TP63: variants seen among roughly 807,000 people sequenced by gnomAD.
The protein encoded by TP63 is tumor protein 63.
TP63 carries 17 observed loss-of-function variants against 82.8 expected under a neutral mutation model. That is an observed-to-expected ratio of 0.21 (90% CI 0.14 to 0.31). The LOEUF (loss-of-function observed/expected upper bound fraction) is 0.31, where lower values mean the gene tolerates loss of function less well. Among genes scored for constraint, TP63 ranks in the 10% least tolerant of loss-of-function variants. The probability of loss-of-function intolerance (pLI) is 1.00; values close to 1 mark genes in which losing one functional copy is unlikely to be tolerated. For missense variants in TP63, 648 were observed against 895.3 expected (o/e 0.72, Z 3.52); for synonymous variants, 330 against 321.7 (o/e 1.03, Z -0.28).
At chr3:189,736,542 A>T (rs963965627) in intron 1 of TP63, among the ~76,000 whole-genome samples, 5 of 152,102 alleles carry the variant, frequency 3.3e-5, no homozygotes, top group Non-Finnish European at 7.4e-5. Flanking sequence ...TACTGCTAAC[A>T]CATTTACTGT....
At chr3:189,654,562 T>G (rs1920252) in intron 1 of TP63, among the ~76,000 whole-genome samples, 66,882 of 152,056 alleles carry the variant, frequency 0.44, 16,101 homozygotes, top group Middle Eastern at 0.69. Flanking sequence ...AATGGAATCT[T>G]TGTGGTAGAG....
chr3:189,867,543 C>G (rs1371886343), intron 6 of TP63, among the ~76,000 whole-genome samples: 1 of 152,094 alleles, frequency 6.6e-6, no homozygotes, highest in African/African-American at 2.4e-5. Flanking sequence ...GGTGGTATAG[C>G]CTATTTGAAT....
intron 1 of TP63, among the ~76,000 whole-genome samples, chr3:189,697,512 G>C (rs1717480591): frequency 1.3e-5 from 2 of 151,260 alleles, no homozygotes; most frequent in Non-Finnish European, 3.0e-5. Context: ...TTTCAGTATT[G>C]TGTTGGATAT....
chr3:189,634,930 A>G (rs1403604296), intron 1 of TP63, among the ~76,000 whole-genome samples: 1 of 152,010 alleles, frequency 6.6e-6, no homozygotes, highest in Non-Finnish European at 1.5e-5. Context: ...CATTTCTAGA[A>G]TTTCCATCTA....
intron 4 of TP63, among the ~76,000 whole-genome samples, chr3:189,836,988 C>A (rs1171193686): frequency 6.6e-6 from 1 of 152,196 alleles, no homozygotes; most frequent in African/African-American, 2.4e-5. Flanking sequence ...TTCTCACATG[C>A]AAAGTTATGT....
At chr3:189,872,389 A>G (rs967722258) in intron 9 of TP63, among the ~76,000 whole-genome samples, 1 of 142,316 alleles carries the variant, frequency 7.0e-6, no homozygotes, top group South Asian at 2.4e-4. Context: ...ATGCCTGAAT[A>G]AAGTTTCTCT....
intron 4 of TP63, among the ~76,000 whole-genome samples, chr3:189,844,626 C>T (rs374588612): frequency 7.2e-5 from 11 of 152,174 alleles, no homozygotes; most frequent in East Asian, 3.9e-4. Flanking sequence ...ATATCTTTCT[C>T]GATATGAAAT....
chr3:189,778,944 C>G (rs1393874455), intron 3 of TP63, among the ~76,000 whole-genome samples: 2 of 152,156 alleles, frequency 1.3e-5, no homozygotes, highest in African/African-American at 4.8e-5. Flanking sequence ...AATTCCTTAG[C>G]TTTATTTTTT....
rs11716112 is a variant in TP63 at position 189,851,332 on chromosome 3, G to A, written c.580-12900G>A. Among the ~76,000 whole-genome samples, 1,032 of 152,298 alleles carry A rather than the reference G, an allele frequency of 6.8e-3. 5 individuals carry two copies. Among genetic ancestry groups the A allele is most frequent in the Middle Eastern group, 0.01 (3 of 294 alleles). Reference sequence around the variant, plus strand: ...CCAGCACTTTGGGAGGCCGAGGCAGGTAGATCGCTTGAGCCCAAAGAGTGA... The same window carrying A: ...CCAGCACTTTGGGAGGCCGAGGCAGATAGATCGCTTGAGCCCAAAGAGTGA... On this transcript the variant is annotated intron_variant, in intron 4 of 13. Transcript: ENST00000264731.
chr3:189,872,878 A>T lies in TP63; in HGVS notation c.1232A>T (p.Tyr411Phe), dbSNP rs759975146. The change falls in exon 10 of 14, where the codon TAT (tyrosine) becomes TTT (phenylalanine). Residue 411 changes from tyrosine to phenylalanine, a missense_variant. This residue lies in a region of TP63 where 342 missense variants were observed against 425.7 expected (regional missense o/e 0.80). Transcript: ENST00000264731. Reference protein sequence around the residue: ...LYLPVRGRETYEMLLKIKESL... With the variant: ...LYLPVRGRETFEMLLKIKESL... ...CCATAGGTGAGGGGCCGTGAGACTT[A>T]TGAAATGCTGTTGAAGATCAAAGAG... is the stretch of plus-strand genomic sequence containing the variant. The T allele has an allele frequency of 1.2e-6, 2 of 1,614,142 alleles. No homozygotes were observed. Among genetic ancestry groups the T allele is most frequent in the Non-Finnish European group, 1.7e-6 (2 of 1,180,006 alleles).
the TP63 span, among the ~76,000 whole-genome samples, chr3:189,612,137 G>T: frequency 2.0e-5 from 3 of 151,668 alleles, no homozygotes; most frequent in South Asian, 6.3e-4. Flanking sequence ...CGTGCCTAAC[G>T]GACTGTATCC....
At chr3:189,730,692 C>T (rs1361636482) in intron 1 of TP63, among the ~76,000 whole-genome samples, 1 of 152,088 alleles carries the variant, frequency 6.6e-6, no homozygotes, top group Non-Finnish European at 1.5e-5. Context: ...TGAGGATATC[C>T]CAGTTTGATC....
intron 4 of TP63, among the ~76,000 whole-genome samples, chr3:189,863,119 C>T (rs1206281639): frequency 2.6e-5 from 4 of 152,074 alleles, no homozygotes; most frequent in African/African-American, 9.7e-5. Flanking sequence ...TATGGCTCTG[C>T]CCCCCCACCA....
chr3:189,657,002 A>G (rs1339671333), intron 1 of TP63, among the ~76,000 whole-genome samples: 1 of 131,566 alleles, frequency 7.6e-6, no homozygotes, highest in African/African-American at 2.7e-5. Context: ...AAAAAAAGAA[A>G]AAATATTATG....
At chr3:189,780,207 A>G (rs1724124781) in intron 3 of TP63, among the ~76,000 whole-genome samples, 1 of 152,214 alleles carries the variant, frequency 6.6e-6, no homozygotes, top group South Asian at 2.1e-4. Context: ...ATAACAGAGG[A>G]ACTAGGGTCT....
chr3:189,863,742 A>G (rs1467358763), intron 4 of TP63, among the ~76,000 whole-genome samples: 2 of 76,388 alleles, frequency 2.6e-5, no homozygotes, highest in Admixed American at 2.0e-4. Context: ...CAGATATTCC[A>G]TCTTAAAAAA....
At chr3:189,787,486 G>A (rs1360755691) in intron 3 of TP63, among the ~76,000 whole-genome samples, 2 of 151,868 alleles carry the variant, frequency 1.3e-5, no homozygotes, top group African/African-American at 4.8e-5. Context: ...TAGCCATAGT[G>A]GATATATTGT....
intron 3 of TP63, among the ~76,000 whole-genome samples, chr3:189,760,349 A>G (rs947409493): frequency 7.2e-5 from 11 of 152,176 alleles, no homozygotes; most frequent in Admixed American, 5.2e-4. Context: ...CCTAGATACA[A>G]TGGGGGTATA....
At chr3:189,609,353 A>G in the TP63 span, among the ~76,000 whole-genome samples, 4 of 152,144 alleles carry the variant, frequency 2.6e-5, no homozygotes, top group African/African-American at 9.7e-5. Context: ...CCATGATGCT[A>G]TCAATGAAAT....
Sources: gnomAD v4.1 joint callset for allele counts (sites outside exome capture counted in the v4.1 genomes callset) on GRCh38, gnomAD v4.1.1 for gene constraint, gnomAD v4.1.1 regional missense constraint, MANE v1.5 for transcripts, NCBI Gene and HGNC (gene_info 2026-07-23, HGNC 2026-07-21) for gene names.